EBF1: variants seen among roughly 807,000 people sequenced by gnomAD.
EBF1 encodes transcription factor COE1.
A neutral mutation model predicts 68.4 loss-of-function variants in EBF1; 10 were observed. The ratio of observed to expected loss-of-function variants is 0.15; its 90% CI spans 0.09 to 0.25. The LOEUF (loss-of-function observed/expected upper bound fraction) is 0.25, where lower values mean the gene tolerates loss of function less well. Among genes scored for constraint, EBF1 ranks in the 10% least tolerant of loss-of-function variants. The pLI, the probability that EBF1 is intolerant of heterozygous loss-of-function variation, is 1.00. For synonymous variants in EBF1, 298 were observed against 299.8 expected, an observed-to-expected ratio of 0.99 and a Z score of 0.06; for missense variants, 509 against 794.4, an observed-to-expected ratio of 0.64 and a Z score of 4.32.
chr5:158,997,750 A>T (rs1019237741), intron 6 of EBF1, among the ~76,000 whole-genome samples: 1 of 152,156 alleles, frequency 6.6e-6, no homozygotes, highest in African/African-American at 2.4e-5. Context: ...CCTGTGGCCC[A>T]AAGGAAGAAG....
At chr5:158,972,852 C>T (rs1279442876) in intron 6 of EBF1, among the ~76,000 whole-genome samples, 1 of 152,190 alleles carries the variant, frequency 6.6e-6, no homozygotes, top group African/African-American at 2.4e-5. Context: ...TCAAACCTGT[C>T]AGGCACACTC....
chr5:158,727,819 C>T (rs930459155), intron 11 of EBF1, among the ~76,000 whole-genome samples: 4 of 152,294 alleles, frequency 2.6e-5, no homozygotes, highest in East Asian at 1.9e-4. Flanking sequence ...AAACAAAGCA[C>T]GTCCAAGTTT....
chr5:159,003,146 G>T (rs1031715305), intron 6 of EBF1, among the ~76,000 whole-genome samples: 1 of 151,052 alleles, frequency 6.6e-6, no homozygotes, highest in Non-Finnish European at 1.5e-5. Context: ...CTTTCTGTCT[G>T]TTTGAACTGC....
At chr5:158,763,232 G>A (rs931748628) in intron 10 of EBF1, among the ~76,000 whole-genome samples, 12 of 152,150 alleles carry the variant, frequency 7.9e-5, no homozygotes, top group Non-Finnish European at 1.6e-4. Flanking sequence ...AGTCTCCACT[G>A]GGCATTAAAT....
intron 10 of EBF1, among the ~76,000 whole-genome samples, chr5:158,758,386 C>A (rs1359430050): frequency 6.6e-6 from 1 of 152,126 alleles, no homozygotes; most frequent in Non-Finnish European, 1.5e-5. Context: ...AATAGATTAG[C>A]TAGGATATGA....
At chr5:158,852,907 T>A (rs1410262829) in intron 6 of EBF1, among the ~76,000 whole-genome samples, 1 of 152,184 alleles carries the variant, frequency 6.6e-6, no homozygotes, top group Non-Finnish European at 1.5e-5. Context: ...ACTGAAAACA[T>A]AATTCTGAAA....
chr5:158,786,595 T>G (rs887931732), intron 9 of EBF1, among the ~76,000 whole-genome samples: 2 of 152,120 alleles, frequency 1.3e-5, no homozygotes, highest in Non-Finnish European at 2.9e-5. Context: ...CGCCAGCCCC[T>G]GTGGTTTGAG....
chr5:158,851,107 A>G (rs1424730062), intron 6 of EBF1, among the ~76,000 whole-genome samples: 14 of 151,814 alleles, frequency 9.2e-5, no homozygotes, highest in Non-Finnish European at 1.9e-4. Flanking sequence ...CTAGCCAGAC[A>G]TGATGGCTCA....
chr5:158,962,554 G>A (rs1201341523), intron 6 of EBF1, among the ~76,000 whole-genome samples: 1 of 152,138 alleles, frequency 6.6e-6, no homozygotes, highest in Non-Finnish European at 1.5e-5. Flanking sequence ...TGTCATTATA[G>A]AAAGCTTTGT....
intron 6 of EBF1, among the ~76,000 whole-genome samples, chr5:158,941,442 C>T (rs545810763): frequency 3.5e-4 from 54 of 152,298 alleles, no homozygotes; most frequent in African/African-American, 1.3e-3. Flanking sequence ...CTGTCTCTGT[C>T]CTCCTCCTAA....
At chr5:159,083,822 C>A (rs1157737839) in intron 5 of EBF1, among the ~76,000 whole-genome samples, 1 of 152,228 alleles carries the variant, frequency 6.6e-6, no homozygotes, top group East Asian at 1.9e-4. Context: ...ACAGTGGCAT[C>A]TTCATGCTTT....
chr5:158,773,877 A>G (rs1363279976), intron 10 of EBF1, among the ~76,000 whole-genome samples: 1 of 152,172 alleles, frequency 6.6e-6, no homozygotes, highest in Non-Finnish European at 1.5e-5. Context: ...TATTAGGGAG[A>G]GCCCTTACAT....
chr5:159,017,597 T>C (rs986147837), intron 6 of EBF1, among the ~76,000 whole-genome samples: 6 of 152,230 alleles, frequency 3.9e-5, no homozygotes, highest in African/African-American at 1.4e-4. Flanking sequence ...TATTGGCTTG[T>C]TTAATGTGAT....
intron 6 of EBF1, among the ~76,000 whole-genome samples, chr5:158,957,123 C>T (rs1352393531): frequency 6.6e-6 from 1 of 152,202 alleles, no homozygotes; most frequent in Non-Finnish European, 1.5e-5. Flanking sequence ...GCTTTCTATA[C>T]ATTATACCAT....
intron 6 of EBF1, among the ~76,000 whole-genome samples, chr5:158,900,091 T>C (rs1228437288): frequency 6.6e-6 from 1 of 152,130 alleles, no homozygotes; most frequent in Non-Finnish European, 1.5e-5. Context: ...CTCATGCTTG[T>C]CCTGTGTGTG....
chr5:159,014,549 A>T (rs72813920), intron 6 of EBF1, among the ~76,000 whole-genome samples: 9,834 of 152,282 alleles, frequency 0.065, 362 homozygotes, highest in Middle Eastern at 0.13. Context: ...AAAAAGCAAG[A>T]GGAATCTAAG....
chr5:158,820,174 A>G (rs1005292033), intron 8 of EBF1, among the ~76,000 whole-genome samples: 2 of 152,062 alleles, frequency 1.3e-5, no homozygotes, highest in African/African-American at 4.8e-5. Context: ...TAGATGGTAA[A>G]AAGTCCAGAA....
At chr5:158,848,260 A>T (rs1791928726) in intron 6 of EBF1, among the ~76,000 whole-genome samples, 1 of 152,114 alleles carries the variant, frequency 6.6e-6, no homozygotes, top group Admixed American at 6.5e-5. Context: ...GCCCACATCC[A>T]TTAAACTATA....
At position 159,033,989 on chromosome 5, in the gene EBF1, C is replaced by A. The variant is rs573806783; in HGVS notation, c.554+39407G>T. 5.3e-5 allele frequency among the ~76,000 whole-genome samples: 8 copies of A among 152,180 alleles called. No individual in the cohort carries two copies. In the East Asian group the frequency reaches 1.3e-3, roughly 26 times the overall value. ...TTAGATGTCATCACTATTATTACAT[C>A]TGTTATTATAATATGTAGTGTTTGC... On this transcript the variant is annotated intron_variant, in intron 6 of 15. Transcript: ENST00000313708.
Sources: allele counts gnomAD v4.1 joint callset (sites outside exome capture counted in the v4.1 genomes callset), GRCh38; gene constraint gnomAD v4.1.1; transcripts MANE v1.5; gene names NCBI Gene and HGNC (gene_info 2026-07-23, HGNC 2026-07-21).